Variants in HBEGF observed in about 807,000 individuals in gnomAD.
HBEGF encodes proheparin-binding EGF-like growth factor.
A neutral mutation model predicts 19.5 loss-of-function variants in HBEGF; 8 were observed. The observed-to-expected ratio is 0.41, with a 90% CI of 0.24 to 0.74. The LOEUF (loss-of-function observed/expected upper bound fraction) is 0.74, where lower values mean the gene tolerates loss of function less well. Among genes scored for constraint, HBEGF ranks in the 30% least tolerant of loss-of-function variants. HBEGF has a pLI of 0.32. For synonymous variants in HBEGF, 97 were observed against 108.9 expected (o/e 0.89, Z 0.68); for missense variants, 207 against 256.9 (o/e 0.81, Z 1.33).
rs1766401962 is a variant in HBEGF, at chr5:140,346,414, A to G, written c.-86T>C. 2 of 1,458,200 alleles carry G rather than the reference A, an allele frequency of 1.4e-6. No individual in the cohort carries two copies. The highest frequency in any genetic ancestry group is 2.4e-5 in the South Asian group (2 of 82,734). The allele number at this position is 1,458,200 out of a possible 1,614,324, so 90.3% of individuals were successfully genotyped here. A position where few individuals can be genotyped will look rare whatever the true frequency, so the allele number is the denominator to read the frequency against. ...CGCTGGCACCAGAGCTGGGCGGCGG[A>G]GCTCAGGAGATTCCGCCGGGCACCG... On this transcript the variant is annotated 5_prime_UTR_variant, in exon 1 of 6. Coordinates refer to ENST00000230990, the MANE Select transcript of HBEGF (RefSeq NM_001945.3). This position sits in a 1 kb window ranked among gnomAD's most constrained non-coding sequence, Gnocchi z 6.1.
At chr5:140,343,096 GT>G in intron 2 of HBEGF, 1 of 383,440 alleles carries the variant, frequency 2.6e-6, no homozygotes, top group Non-Finnish European at 4.7e-6. Context: ...CTTTTGTTGA[GT>G]AACTGGGCAA....
Position 140,335,091 on chromosome 5 carries a change from A to C in HBEGF, c.555-343T>G, listed in dbSNP as rs1766207031. On this transcript the variant is annotated intron_variant, in intron 4 of 5. Transcript: ENST00000230990. ...TGACAGATGAGTTACACTGCTTGAA[A>C]ACAGGCATAGAGCTAGGCACGGTGG... is the stretch of plus-strand genomic sequence containing the variant. 2.1e-5 allele frequency: 6 copies of C among 287,290 alleles called. No individual in the cohort carries two copies. In the South Asian group the frequency reaches 2.8e-4, roughly 13 times the overall value. 17.8% of individuals were successfully genotyped at this position (287,290 alleles called of 1,614,324 possible). A position where few individuals can be genotyped will look rare whatever the true frequency, so the allele number is the denominator to read the frequency against.
intron 3 of HBEGF, among the ~76,000 whole-genome samples, chr5:140,338,421 C>T (rs1057007346): frequency 1.1e-4 from 16 of 152,224 alleles, no homozygotes; most frequent in African/African-American, 3.9e-4. Context: ...CAGGATTCAA[C>T]AGCAGTCTGG....
At chr5:140,337,223 C>G (rs928188374) in intron 3 of HBEGF, among the ~76,000 whole-genome samples, 1 of 152,224 alleles carries the variant, frequency 6.6e-6, no homozygotes, top group African/African-American at 2.4e-5. Context: ...CACATCCTTT[C>G]CTTTATCTGA....
intron 3 of HBEGF, among the ~76,000 whole-genome samples, chr5:140,339,478 T>C (rs567835148): frequency 6.6e-6 from 1 of 152,186 alleles, no homozygotes; most frequent in Non-Finnish European, 1.5e-5. Context: ...CTGCAAGTTC[T>C]GCCTCCTGGG....
intron 3 of HBEGF, among the ~76,000 whole-genome samples, chr5:140,340,152 G>T (rs926401704): frequency 2.0e-5 from 3 of 151,474 alleles, no homozygotes; most frequent in African/African-American, 7.3e-5. Context: ...CAGATGTGGG[G>T]GCATGTGCCT....
Position 140,333,834 on chromosome 5 carries a change from A to G in HBEGF, c.*465T>C, listed in dbSNP as rs952358172. On this transcript the variant is annotated 3_prime_UTR_variant, in exon 6 of 6. Transcript: ENST00000230990. ...ATCAAATCCAGCACTGGAGGGTCCC[A>G]ATGGCAGATCCCTTGGTGGTACTTG... 3.9e-5 allele frequency: 6 copies of G among 152,652 alleles called. No homozygotes were observed. Among genetic ancestry groups the G allele is most frequent in the African/African-American group, 1.4e-4 (6 of 41,466 alleles). 9.5% of individuals were successfully genotyped at this position (152,652 alleles called of 1,614,324 possible). A position where few individuals can be genotyped will look rare whatever the true frequency, so the allele number is the denominator to read the frequency against.
chr5:140,334,410 G>A (rs767920460), intron 5 of HBEGF, 130 bp from the exon 6 acceptor site: 33 of 488,860 alleles, frequency 6.8e-5, no homozygotes, highest in Middle Eastern at 5.2e-4. Context: ...GGGGAGGAGA[G>A]GGGAGGGGAA....
chr5:140,346,471 C>T lies in HBEGF; in HGVS notation c.-143G>A, dbSNP rs982943775. On this transcript the variant is annotated 5_prime_UTR_variant, in exon 1 of 6. Coordinates refer to ENST00000230990, the MANE Select transcript of HBEGF (RefSeq NM_001945.3). The surrounding 1 kb of genome is among the most constrained non-coding windows in gnomAD (Gnocchi z 6.1). ...GCCCGCCTCTGCGTGCAAGCCTGGC[C>T]GGGACCCAGGCGCAGCTCGCTCTTC... 2.0e-5 allele frequency: 18 copies of T among 894,576 alleles called. No homozygotes were observed. The African/African-American group carries it at 2.7e-4, about 13-fold the overall frequency. 55.4% of individuals were successfully genotyped at this position (894,576 alleles called of 1,614,324 possible). A position where few individuals can be genotyped will look rare whatever the true frequency, so the allele number is the denominator to read the frequency against.
intron 3 of HBEGF, among the ~76,000 whole-genome samples, chr5:140,336,828 CTTTT>C (rs1160533557): frequency 1.5e-5 from 2 of 129,810 alleles, no homozygotes; most frequent in Admixed American, 7.7e-5. Context: ...TTTTCTTTTT[CTTTT>C]TTTTTTTTTT....
chr5:140,344,419 CAGTAAA>C (rs4150205), intron 2 of HBEGF, among the ~76,000 whole-genome samples: 3,652 of 152,190 alleles, frequency 0.024, 128 homozygotes, highest in African/African-American at 0.082. Context: ...CTCAGGTTCT[CAGTAAA>C]ATGTGGATAG....
intron 3 of HBEGF, among the ~76,000 whole-genome samples, chr5:140,339,880 G>A (rs1466659670): frequency 6.6e-6 from 1 of 152,174 alleles, no homozygotes; most frequent in Non-Finnish European, 1.5e-5. Context: ...CCAGATGAAC[G>A]TGCACAGATG....
intron 3 of HBEGF, among the ~76,000 whole-genome samples, chr5:140,340,277 T>G (rs1391638914): frequency 1.9e-4 from 28 of 146,086 alleles, no homozygotes; most frequent in Admixed American, 4.2e-4. Context: ...CAGAGCGAGA[T>G]TCCATCTCAA....
rs1225173402 is a variant in HBEGF, at chr5:140,346,074, T to TGCCGAGAGA, written c.48_56dup (p.Ser18_Leu20dup). Reference sequence around the variant, plus strand: ...GCTCCAGGCTCTCGCCAGTCACCAGTGCCGAGAGAACTGCGGGCGAGAGGC... The same window carrying TGCCGAGAGA: ...GCTCCAGGCTCTCGCCAGTCACCAGTGCCGAGAGAGCCGAGAGAACTGCGGGCGAGAGGC... On this transcript the variant is annotated inframe_insertion, in exon 2 of 6. Coordinates refer to ENST00000230990, the MANE Select transcript of HBEGF (RefSeq NM_001945.3). This position sits in a 1 kb window ranked among gnomAD's most constrained non-coding sequence, Gnocchi z 6.1. 9.3e-6 allele frequency: 15 copies of TGCCGAGAGA among 1,612,396 alleles called. No individual in the cohort carries two copies. Among genetic ancestry groups the TGCCGAGAGA allele is most frequent in the Non-Finnish European group, 1.2e-5 (14 of 1,179,128 alleles).
intron 3 of HBEGF, among the ~76,000 whole-genome samples, chr5:140,336,769 C>T (rs1427544688): frequency 6.6e-6 from 1 of 152,150 alleles, no homozygotes; most frequent in East Asian, 1.9e-4. Context: ...GAAACAATCC[C>T]TTGGCTCTTC....
rs763054864 is a variant in HBEGF, at chr5:140,346,134, C to T, written c.47-50G>A. On this transcript the variant is annotated intron_variant, in intron 1 of 5. Coordinates refer to ENST00000230990, the MANE Select transcript of HBEGF (RefSeq NM_001945.3). This position sits in a 1 kb window ranked among gnomAD's most constrained non-coding sequence, Gnocchi z 6.1. ...TCAGACACCCGCCCAGACCCCTGAC[C>T]AACACGCACCGATGCCGACGCCCGT... 1.9e-6 allele frequency: 3 copies of T among 1,585,702 alleles called. No homozygotes were observed. Among genetic ancestry groups the T allele is most frequent in the African/African-American group, 1.3e-5 (1 of 74,130 alleles).
At chr5:140,337,004 A>AT (rs1287156779) in intron 3 of HBEGF, among the ~76,000 whole-genome samples, 1 of 151,018 alleles carries the variant, frequency 6.6e-6, no homozygotes, top group African/African-American at 2.4e-5. Flanking sequence ...AATTTTTGTA[A>AT]TTTTTTAGAA....
rs1456137557 is a variant in HBEGF at position 140,335,781 on chromosome 5, G to C, written c.554+91C>G. On this transcript the variant is annotated intron_variant, in intron 4 of 5. Transcript: ENST00000230990. ...AGCCCATGATTTGGAAAGATTGAGG[G>C]AAGTGCATGTGACCATCAAGGAGAG... 5 of 1,325,260 alleles carry C rather than the reference G, an allele frequency of 3.8e-6. No homozygotes were observed. The African/African-American group carries it at 5.9e-5, about 16-fold the overall frequency. 82.1% of individuals were successfully genotyped at this position (1,325,260 alleles called of 1,614,324 possible).
chr5:140,342,147 T>C (rs1451173515), intron 3 of HBEGF, among the ~76,000 whole-genome samples: 1 of 152,148 alleles, frequency 6.6e-6, no homozygotes, highest in Non-Finnish European at 1.5e-5. Context: ...CTCTGTACAG[T>C]CCTGCCATGC....
Sources: allele counts gnomAD v4.1 joint callset (sites outside exome capture counted in the v4.1 genomes callset), GRCh38; gene constraint gnomAD v4.1.1; non-coding constraint Gnocchi (gnomAD v3.1); transcripts MANE v1.5; gene names NCBI Gene and HGNC (gene_info 2026-07-23, HGNC 2026-07-21).